Variants in DOCK4 observed in about 807,000 individuals in gnomAD.
DOCK4 encodes the protein dedicator of cytokinesis 4.
In DOCK4, 97 loss-of-function variants were observed where a neutral mutation model predicts 268.1. The ratio of observed to expected loss-of-function variants is 0.36; its 90% CI spans 0.31 to 0.43. DOCK4 has a LOEUF of 0.43. Among genes scored for constraint, DOCK4 ranks in the 20% least tolerant of loss-of-function variants. The pLI is 1.00. For missense variants in DOCK4, 2,145 were observed against 2,455.7 expected, an observed-to-expected ratio of 0.87 and a Z score of 2.67; for synonymous variants, 954 against 887.2, an observed-to-expected ratio of 1.08 and a Z score of -1.34.
chr7:112,156,991 GA>G (rs1816665094), intron 1 of DOCK4, among the ~76,000 whole-genome samples: 1 of 151,768 alleles, frequency 6.6e-6, no homozygotes. Flanking sequence ...TAACATACGT[GA>G]AAAAAAGTTT....
In DOCK4 at chr7:111,935,566, C is replaced by T. The variant is rs202233137; in HGVS notation, c.1040G>A (p.Arg347His). ...HENIIKKLNA[R>H]YNLTGSNAGL... ...TGCATTGGAGCCAGTCAAGTTATAA[C>T]GTGCATTCAGCTTTTTGATGATGTT... Residue 347 changes from arginine (R) to histidine (H), a missense_variant, in exon 12 of 53, where the codon CGT becomes CAT. By Grantham distance (29) the Arg-to-His change is conservative. Coordinates refer to ENST00000428084, the MANE Select transcript of DOCK4 (RefSeq NM_001363540.2). The T allele has an allele frequency of 3.7e-5, 59 of 1,612,758 alleles. No individual in the cohort carries two copies. The Middle Eastern group carries it at 1.2e-3, about 31-fold the overall frequency.
chr7:111,940,986 T>C (rs551514128), intron 10 of DOCK4, among the ~76,000 whole-genome samples: 2 of 152,308 alleles, frequency 1.3e-5, no homozygotes, highest in African/African-American at 2.4e-5. Context: ...AACCATAAAT[T>C]GTTTCTATCT....
At chr7:112,070,400 G>T (rs1339064065) in intron 1 of DOCK4, among the ~76,000 whole-genome samples, 1 of 151,932 alleles carries the variant, frequency 6.6e-6, no homozygotes, top group Admixed American at 6.6e-5. Flanking sequence ...TAGTGCAAAA[G>T]TAACTGTGGT....
At chr7:111,814,721 C>T (rs751091482) in intron 27 of DOCK4, among the ~76,000 whole-genome samples, 9 of 152,088 alleles carry the variant, frequency 5.9e-5, no homozygotes, top group Non-Finnish European at 1.0e-4. Context: ...AATATTAGGA[C>T]GATTTGTATG....
At chr7:111,971,639 C>A in intron 8 of DOCK4, 1 of 227,178 alleles carries the variant, frequency 4.4e-6, no homozygotes. Flanking sequence ...TGGACACATC[C>A]CCTTTGCCAC....
chr7:112,102,711 T>C (rs539234390), intron 1 of DOCK4, among the ~76,000 whole-genome samples: 41 of 152,324 alleles, frequency 2.7e-4, no homozygotes, highest in African/African-American at 9.4e-4. Flanking sequence ...AATCTTGAAC[T>C]TCTCAGCCTC....
At position 111,735,068 on chromosome 7, in the gene DOCK4, C is replaced by A; in HGVS notation, c.5405G>T (p.Arg1802Ile). The change falls in exon 51 of 53, where the codon AGA (arginine) becomes ATA (isoleucine). Residue 1802 changes from arginine (R) to isoleucine (I), a missense_variant. By Grantham distance (97) the Arg-to-Ile change is moderately conservative. This residue lies in a region of DOCK4 where 547 missense variants were observed against 469.0 expected (regional missense o/e 1.17). Transcript: ENST00000428084. ...GKLISPPVPP[R>I]PTQTASPARH... Reference sequence around the variant, plus strand: ...CAAATACCCACCAGTCTGTGTGGGTCTTGGAGGGACAGGGGGAGAGATAAG... The same window carrying A: ...CAAATACCCACCAGTCTGTGTGGGTATTGGAGGGACAGGGGGAGAGATAAG... The A allele has an allele frequency of 6.3e-7, 1 of 1,592,830 alleles. No homozygotes were observed. Among genetic ancestry groups the A allele is most frequent in the East Asian group, 2.3e-5 (1 of 44,370 alleles).
At chr7:111,755,375 G>T in intron 42 of DOCK4, 140 bp downstream of exon 42, 1 of 755,566 alleles carries the variant, frequency 1.3e-6, no homozygotes, top group Non-Finnish European at 2.2e-6. Flanking sequence ...GGTAATAGCG[G>T]TCAAGACCAT....
intron 1 of DOCK4, among the ~76,000 whole-genome samples, chr7:112,138,152 A>G (rs1814540543): frequency 6.6e-6 from 1 of 152,132 alleles, no homozygotes; most frequent in Non-Finnish European, 1.5e-5. Context: ...CAAACCTCCT[A>G]TTCTGTTATT....
intron 52 of DOCK4, 116 bp downstream of exon 52, chr7:111,732,110 T>C: frequency 9.6e-7 from 1 of 1,037,704 alleles, no homozygotes; most frequent in Non-Finnish European, 1.4e-6. Context: ...CCCTGATTGA[T>C]AAGTTCTTTG....
rs140700687 is a variant in DOCK4, at chr7:111,850,299, C to T, written c.2474-3173G>A. On this transcript the variant is annotated intron_variant, in intron 23 of 52. Coordinates refer to ENST00000428084, the MANE Select transcript of DOCK4 (RefSeq NM_001363540.2). ...TCACTTTAACCAGAATCTGCACACT[C>T]CCTGCCCCCACCTCCCACCCTTATC... Among the ~76,000 whole-genome samples, 1,251 of 152,206 alleles carry T rather than the reference C, an allele frequency of 8.2e-3. 22 individuals are homozygous for T. Among genetic ancestry groups the T allele is most frequent in the African/African-American group, 0.029 (1,187 of 41,520 alleles).
At chr7:111,892,314 C>T (rs576869064) in intron 16 of DOCK4, among the ~76,000 whole-genome samples, 3 of 152,306 alleles carry the variant, frequency 2.0e-5, no homozygotes, top group Admixed American at 2.0e-4. Flanking sequence ...AATCCTCCTG[C>T]CTCAGCCTCC....
intron 16 of DOCK4, among the ~76,000 whole-genome samples, chr7:111,879,325 C>A (rs1486629406): frequency 6.6e-6 from 1 of 152,084 alleles, no homozygotes; most frequent in Non-Finnish European, 1.5e-5. Flanking sequence ...GCAGTGTTAC[C>A]CAGGGAGTAT....
chr7:112,094,609 CAAAG>C (rs765054432), intron 1 of DOCK4, among the ~76,000 whole-genome samples: 1 of 152,082 alleles, frequency 6.6e-6, no homozygotes, highest in Non-Finnish European at 1.5e-5. Context: ...AAACCAACAA[CAAAG>C]AAAGTTTTGA....
At chr7:111,862,427 T>C (rs975332628) in intron 23 of DOCK4, among the ~76,000 whole-genome samples, 22 of 150,274 alleles carry the variant, frequency 1.5e-4, no homozygotes, top group Non-Finnish European at 2.4e-4. Context: ...TTACTATATA[T>C]AAAACTATTT....
At chr7:111,873,650 T>C (rs773930467) in intron 17 of DOCK4, among the ~76,000 whole-genome samples, 12 of 151,724 alleles carry the variant, frequency 7.9e-5, no homozygotes, top group Admixed American at 2.0e-4. Flanking sequence ...ACCAAGGAAG[T>C]AGGTAAGATG....
chr7:111,735,157 G>A lies in DOCK4; in HGVS notation c.5316C>T (p.Pro1772=), dbSNP rs762284440. The change falls in exon 51 of 53, where the codon CCC becomes CCT. Residue 1772 remains proline (P), a synonymous_variant. Transcript: ENST00000428084. ...TGTCCAGGCTCCAGCTGCTAGGGGTGGGGTTCACAGCTGGAAGGGAATAAC... is the reference window on the plus strand; with the variant it reads ...TGTCCAGGCTCCAGCTGCTAGGGGTAGGGTTCACAGCTGGAAGGGAATAAC... ...NLSAPEKAVN[P]TPSSWSLDSG... is the part of the protein sequence containing the mutation. 1.3e-5 allele frequency: 20 copies of A among 1,585,982 alleles called. No individual in the cohort carries two copies. Among genetic ancestry groups the A allele is most frequent in the Non-Finnish European group, 1.5e-5 (17 of 1,165,418 alleles).
chr7:111,769,870 T>A (rs192825879), intron 36 of DOCK4, among the ~76,000 whole-genome samples, 193 bp from the exon 37 acceptor site: 34 of 152,308 alleles, frequency 2.2e-4, no homozygotes, highest in South Asian at 4.1e-4. Flanking sequence ...GGACTTGGAC[T>A]AATCAGATCT....
chr7:111,792,236 A>G (rs949710304), intron 30 of DOCK4, among the ~76,000 whole-genome samples: 1 of 152,274 alleles, frequency 6.6e-6, no homozygotes, highest in Non-Finnish European at 1.5e-5. Context: ...GGCTGAAAGC[A>G]CATGCTACTG....
Sources: allele counts gnomAD v4.1 joint callset (sites outside exome capture counted in the v4.1 genomes callset), GRCh38; gene constraint gnomAD v4.1.1; regional missense constraint gnomAD v4.1.1; transcripts MANE v1.5; gene names NCBI Gene and HGNC (gene_info 2026-07-23, HGNC 2026-07-21).